Variants in CA1 observed in about 807,000 individuals in gnomAD.
CA1 encodes the protein carbonate dehydratase I.
A neutral mutation model predicts 28.8 loss-of-function variants in CA1; 27 were observed. The ratio of observed to expected loss-of-function variants is 0.94; its 90% CI spans 0.69 to 1.29. The LOEUF (loss-of-function observed/expected upper bound fraction) is 1.29. Among genes scored for constraint, CA1 ranks in the 50% most tolerant of loss-of-function variants. The probability of loss-of-function intolerance (pLI) is 0.00; values close to 1 mark genes in which losing one functional copy is unlikely to be tolerated. For missense variants in CA1, 335 were observed against 310.5 expected, an observed-to-expected ratio of 1.08 and a Z score of -0.59; for synonymous variants, 121 against 108.8, an observed-to-expected ratio of 1.11 and a Z score of -0.70.
intron 2 of CA1, chr8:85,341,111 C>T (rs1236152168): frequency 1.9e-5 from 1 of 51,764 alleles, no homozygotes; most frequent in Non-Finnish European, 3.8e-5. Flanking sequence ...TGCCATTGCA[C>T]TCTAGCTGGG....
chr8:85,361,795 C>T (rs191360583), intron 1 of CA1, among the ~76,000 whole-genome samples: 25 of 152,296 alleles, frequency 1.6e-4, no homozygotes, highest in African/African-American at 6.0e-4. Context: ...TGCACCTCAT[C>T]CTTTCTTCAC....
chr8:85,377,299 C>A (rs1350615789), intron 1 of CA1, among the ~76,000 whole-genome samples: 1 of 152,080 alleles, frequency 6.6e-6, no homozygotes, highest in Non-Finnish European at 1.5e-5. Context: ...ATTATTAGAG[C>A]CCCCTCCCTC....
intron 1 of CA1, among the ~76,000 whole-genome samples, chr8:85,355,419 A>C (rs1287124471): frequency 1.3e-5 from 2 of 152,160 alleles, no homozygotes; most frequent in African/African-American, 4.8e-5. Context: ...TTTTTAAAAG[A>C]CAGGGTCTTT....
intron 1 of CA1, among the ~76,000 whole-genome samples, chr8:85,362,891 G>A (rs1048856345): frequency 6.6e-6 from 1 of 152,054 alleles, no homozygotes; most frequent in Non-Finnish European, 1.5e-5. Flanking sequence ...TACCTGAGAA[G>A]AAGCAATTAA....
intron 1 of CA1, among the ~76,000 whole-genome samples, chr8:85,344,227 CAGTATAT>C (rs1564029489): frequency 1.2e-5 from 1 of 86,162 alleles, no homozygotes; most frequent in African/African-American, 6.8e-5. Context: ...ATATTATATA[CAGTATAT>C]AATATATAAT....
rs775760764 is a variant in CA1, at chr8:85,338,423, G to A, written c.64C>T (p.Pro22Ser). ...GACTGGTTATTTCCATTGGCAATGG[G>A]ATACAGCTTGCTCCATTGTTCAGGA... ...NGPEQWSKLY[P>S]IANGNNQSPV... Residue 22 changes from proline (P) to serine (S), a missense_variant, in exon 3 of 8, where the codon CCC becomes TCC. Physicochemically the swap from Pro to Ser is moderately conservative, Grantham distance 74. Transcript: ENST00000523022. The A allele has an allele frequency of 7.1e-5, 114 of 1,613,716 alleles. No individual in the cohort carries two copies. The highest frequency in any genetic ancestry group is 9.5e-5 in the Non-Finnish European group (112 of 1,179,814).
intron 1 of CA1, among the ~76,000 whole-genome samples, chr8:85,362,915 G>T (rs1198055084): frequency 6.6e-6 from 1 of 152,128 alleles, no homozygotes. Flanking sequence ...AACTAAAGAT[G>T]TGTAGTTTGG....
chr8:85,354,399 C>A (rs532003531), intron 1 of CA1, among the ~76,000 whole-genome samples: 1 of 151,958 alleles, frequency 6.6e-6, no homozygotes, highest in Admixed American at 6.5e-5. Context: ...TTAGATACAC[C>A]CCAGAGTACC....
intron 4 of CA1, among the ~76,000 whole-genome samples, chr8:85,334,117 G>C (rs915053790): frequency 6.6e-6 from 1 of 152,116 alleles, no homozygotes; most frequent in Non-Finnish European, 1.5e-5. Flanking sequence ...CTCTAGATTT[G>C]TACATCCAAG....
chr8:85,335,478 T>C (rs565226531), intron 4 of CA1, among the ~76,000 whole-genome samples: 60 of 152,280 alleles, frequency 3.9e-4, no homozygotes, highest in African/African-American at 1.3e-3. Context: ...TTTGTACAGC[T>C]AGTAAGTGGT....
Position 85,338,301 on chromosome 8 carries a change from A to G in CA1, c.186T>C (p.Asn62=), listed in dbSNP as rs1456002486. 2 of 1,613,998 alleles carry G rather than the reference A, an allele frequency of 1.2e-6. No homozygotes were observed. The highest frequency in any genetic ancestry group is 1.1e-5 in the South Asian group (1 of 91,078). Residue 62 remains asparagine, a synonymous_variant, in exon 3 of 8, where the codon AAT becomes AAC. Transcript: ENST00000523022. ...AATTTACATGGAAGGAATGCCCCAC[A>G]TTGATAATTTCTTTGGCTGTGGCTG... is the stretch of plus-strand genomic sequence containing the variant. ...YNPATAKEII[N]VGHSFHVNFE...
At chr8:85,344,491 C>A (rs1585933560) in intron 1 of CA1, among the ~76,000 whole-genome samples, 1 of 150,810 alleles carries the variant, frequency 6.6e-6, no homozygotes, top group East Asian at 1.9e-4. Context: ...TTTTAAGTAT[C>A]TATTTAAATC....
At chr8:85,368,367 A>G (rs1396555431) in intron 1 of CA1, among the ~76,000 whole-genome samples, 1 of 151,766 alleles carries the variant, frequency 6.6e-6, no homozygotes, top group Non-Finnish European at 1.5e-5. Context: ...ATGAGGTTTC[A>G]CCATGTTGGC....
chr8:85,329,144 C>A (rs1390917987), intron 7 of CA1, among the ~76,000 whole-genome samples: 1 of 152,118 alleles, frequency 6.6e-6, no homozygotes. Context: ...CAACAGGCTA[C>A]AATGCTTGTC....
chr8:85,371,847 C>T (rs1445734739), intron 1 of CA1, among the ~76,000 whole-genome samples: 1 of 152,142 alleles, frequency 6.6e-6, no homozygotes. Context: ...TGAACTTCTA[C>T]ATGCATTGTG....
intron 1 of CA1, among the ~76,000 whole-genome samples, chr8:85,349,098 C>A (rs1809309900): frequency 6.6e-6 from 1 of 152,178 alleles, no homozygotes; most frequent in African/African-American, 2.4e-5. Context: ...TTTAAAAAAT[C>A]TTTTTATTTT....
intron 1 of CA1, among the ~76,000 whole-genome samples, chr8:85,366,747 C>G (rs1325295279): frequency 1.3e-5 from 2 of 152,134 alleles, no homozygotes; most frequent in Non-Finnish European, 2.9e-5. Context: ...TGATACTAGA[C>G]AAGTGCATTT....
intron 1 of CA1, among the ~76,000 whole-genome samples, chr8:85,356,409 T>A (rs996527182): frequency 6.6e-6 from 1 of 152,070 alleles, no homozygotes; most frequent in Non-Finnish European, 1.5e-5. Context: ...TGATAATAAT[T>A]ATTATTATAT....
At chr8:85,340,979 C>G (rs1808895061) in intron 2 of CA1, 1 of 152,364 alleles carries the variant, frequency 6.6e-6, no homozygotes, top group African/African-American at 2.4e-5. Context: ...CCCATCTCTA[C>G]TAAAAATACA....
Sources: gnomAD v4.1 joint callset for allele counts (sites outside exome capture counted in the v4.1 genomes callset) on GRCh38, gnomAD v4.1.1 for gene constraint, MANE v1.5 for transcripts, NCBI Gene and HGNC (gene_info 2026-07-23, HGNC 2026-07-21) for gene names.